SLC25A51: variants seen among roughly 807,000 people sequenced by gnomAD.
SLC25A51 encodes the protein solute carrier family 25 member 51.
Under a neutral mutation model 19.1 loss-of-function variants are expected in SLC25A51, and 11 were observed. The ratio of observed to expected loss-of-function variants is 0.58; its 90% CI spans 0.36 to 0.96. The LOEUF (loss-of-function observed/expected upper bound fraction) is 0.96, where lower values mean the gene tolerates loss of function less well. Among genes scored for constraint, SLC25A51 ranks in the 40% least tolerant of loss-of-function variants. The probability of loss-of-function intolerance (pLI) is 0.01; values close to 1 mark genes in which losing one functional copy is unlikely to be tolerated. For missense variants in SLC25A51, 201 were observed against 365.4 expected, an observed-to-expected ratio of 0.55 and a Z score of 3.67; for synonymous variants, 105 against 133.6, an observed-to-expected ratio of 0.79 and a Z score of 1.47.
intron 2 of SLC25A51, among the ~76,000 whole-genome samples, chr9:37,897,029 T>G (rs374195247): frequency 4.6e-5 from 7 of 152,140 alleles, no homozygotes; most frequent in African/African-American, 1.7e-4. Flanking sequence ...AGACAGGACA[T>G]GACAAGTCTA....
In SLC25A51 at chr9:37,888,098, A is replaced by T. The variant is rs1403003010; in HGVS notation, c.453T>A (p.His151Gln). 6.2e-7 allele frequency: 1 copy of T among 1,614,014 alleles called. No individual in the cohort carries two copies. The highest frequency in any genetic ancestry group is 1.1e-5 in the South Asian group (1 of 91,080). ...VQTLLQDHKH[H>Q]DKFTNTYQAF... ...CCTGGTAAGTGTTGGTAAATTTGTC[A>T]TGATGCTTGTGGTCTTGAAGCAATG... Residue 151 changes from histidine to glutamine, a missense_variant, in exon 3 of 3, where the codon CAT (histidine) becomes CAA (glutamine). Transcript: ENST00000242275.
At position 37,902,665 on chromosome 9, in the gene SLC25A51, T is replaced by C. The variant is rs77714982; in HGVS notation, c.-165+1403A>G. Among the ~76,000 whole-genome samples, 1,354 of 152,372 alleles carry C rather than the reference T, an allele frequency of 8.9e-3. 18 individuals are homozygous for C. Among genetic ancestry groups the C allele is most frequent in the African/African-American group, 0.03 (1,266 of 41,576 alleles). ...AATGTGGATAATTCTTTGCAATTTATTGCAAAATTTATTTACCATAACTTT... is the reference window on the plus strand; with the variant it reads ...AATGTGGATAATTCTTTGCAATTTACTGCAAAATTTATTTACCATAACTTT... On this transcript the variant is annotated intron_variant, in intron 1 of 2. Transcript: ENST00000242275.
chr9:37,895,188 A>C (rs1374299537), intron 2 of SLC25A51, among the ~76,000 whole-genome samples: 1 of 151,612 alleles, frequency 6.6e-6, no homozygotes, highest in African/African-American at 2.4e-5. Context: ...TACCATGTGA[A>C]TTGTTTTGCC....
chr9:37,882,994 C>T (rs1001328751), downstream of SLC25A51, among the ~76,000 whole-genome samples: 7 of 152,186 alleles, frequency 4.6e-5, no homozygotes, highest in Non-Finnish European at 1.0e-4. Flanking sequence ...CAGGCATGTG[C>T]CACCATACCC....
intron 2 of SLC25A51, among the ~76,000 whole-genome samples, chr9:37,896,612 A>G (rs1163308995): frequency 6.6e-6 from 1 of 152,196 alleles, no homozygotes; most frequent in Non-Finnish European, 1.5e-5. Context: ...TCTGGCCAAC[A>G]TGGCGAAACT....
At chr9:37,883,609 A>C (rs1297351723), downstream of SLC25A51, among the ~76,000 whole-genome samples, 2 of 152,214 alleles carry the variant, frequency 1.3e-5, no homozygotes, top group Non-Finnish European at 2.9e-5. Context: ...GTATAACCCC[A>C]GGCTAACCCA....
intron 1 of SLC25A51, among the ~76,000 whole-genome samples, chr9:37,901,194 G>T (rs1029045958): frequency 2.0e-5 from 3 of 151,666 alleles, no homozygotes; most frequent in African/African-American, 2.4e-5. Context: ...TTTTGAGACA[G>T]AGTCTCACTC....
intron 2 of SLC25A51, among the ~76,000 whole-genome samples, chr9:37,890,370 CAAGACTCTTGTTTCTAAA>C (rs1831556272): frequency 6.6e-6 from 1 of 151,678 alleles, no homozygotes; most frequent in Non-Finnish European, 1.5e-5. Context: ...GGCAACAGAG[CAAGACTCTTGTTTCTAAA>C]AATAATAACA....
chr9:37,877,603 C>T (rs1831278111), downstream of SLC25A51, among the ~76,000 whole-genome samples: 1 of 131,892 alleles, frequency 7.6e-6, no homozygotes, highest in South Asian at 2.3e-4. Context: ...ATTGCCTAGG[C>T]TGGACTTGAA....
downstream of SLC25A51, chr9:37,885,606 TTTGGCAACAATAATAC>T (rs201111100): frequency 6.1e-3 from 4,586 of 754,302 alleles, 128 homozygotes; most frequent in African/African-American, 0.066. Context: ...TTTCACTCTT[TTTGGCAACAATAATAC>T]GGCGCCCAAC....
intron 1 of SLC25A51, among the ~76,000 whole-genome samples, chr9:37,902,489 C>G (rs12345012): frequency 0.16 from 24,130 of 152,160 alleles, 2,110 homozygotes; most frequent in African/African-American, 0.22. Flanking sequence ...TCCTACACAC[C>G]AGGATGGTGT....
intron 1 of SLC25A51, among the ~76,000 whole-genome samples, chr9:37,902,969 G>C (rs1587175814): frequency 6.6e-6 from 1 of 152,232 alleles, no homozygotes; most frequent in East Asian, 1.9e-4. Context: ...GATCAGCCTG[G>C]GTCTAGTCCT....
At chr9:37,883,365 A>G (rs559591046), downstream of SLC25A51, among the ~76,000 whole-genome samples, 2 of 152,272 alleles carry the variant, frequency 1.3e-5, no homozygotes, top group Non-Finnish European at 2.9e-5. Flanking sequence ...AGAGTGACAA[A>G]GAAATAAAAA....
chr9:37,902,179 C>T (rs540886226), intron 1 of SLC25A51, among the ~76,000 whole-genome samples: 1 of 152,122 alleles, frequency 6.6e-6, no homozygotes, highest in Non-Finnish European at 1.5e-5. Flanking sequence ...TGTACTTGAA[C>T]AACAATAAAA....
At position 37,899,848 on chromosome 9, in the gene SLC25A51, A is replaced by C. The variant is rs1371252161; in HGVS notation, c.-62T>G. 6.3e-6 allele frequency: 1 copy of C among 159,008 alleles called. No homozygotes were observed. Among genetic ancestry groups the C allele is most frequent in the African/African-American group, 2.5e-5 (1 of 39,600 alleles). The allele number at this position is 159,008 out of a possible 1,614,324, so 9.8% of individuals were successfully genotyped here. A position where few individuals can be genotyped will look rare whatever the true frequency, so the allele number is the denominator to read the frequency against. ...ATTCACCTGTGACATCTGAGCCTGG[A>C]GTTTGGCAGGATGATAGCTTTGTGA... On this transcript the variant is annotated 5_prime_UTR_variant, in exon 2 of 3. Transcript: ENST00000242275.
intron 2 of SLC25A51, among the ~76,000 whole-genome samples, chr9:37,898,627 G>A (rs183066970): frequency 6.6e-6 from 1 of 152,078 alleles, no homozygotes; most frequent in East Asian, 1.9e-4. Flanking sequence ...GCTGAGGCAG[G>A]AGAATTGCCG....
At chr9:37,896,736 C>T (rs1392215308) in intron 2 of SLC25A51, among the ~76,000 whole-genome samples, 1 of 152,176 alleles carries the variant, frequency 6.6e-6, no homozygotes, top group Non-Finnish European at 1.5e-5. Context: ...GCGGAGGTTG[C>T]AGTGAGCCGA....
At chr9:37,887,588 AAG>A, downstream of SLC25A51, 1 of 1,506,752 alleles carries the variant, frequency 6.6e-7, no homozygotes, top group Non-Finnish European at 8.9e-7. Flanking sequence ...AAAAAAAAAA[AAG>A]AGGCCAAACT....
chr9:37,885,236 T>TAAA (rs1831421519), downstream of SLC25A51, among the ~76,000 whole-genome samples: 1 of 150,842 alleles, frequency 6.6e-6, no homozygotes. Flanking sequence ...GATTTCAAGA[T>TAAA]TGGTTTAAGA....
Sources: gnomAD v4.1 joint callset for allele counts (sites outside exome capture counted in the v4.1 genomes callset) on GRCh38, gnomAD v4.1.1 for gene constraint, MANE v1.5 for transcripts, NCBI Gene and HGNC (gene_info 2026-07-23, HGNC 2026-07-21) for gene names.